The following SEZ6L variants were observed in gnomAD, a reference collection of about 807,000 sequenced individuals.
SEZ6L encodes the protein seizure 6-like protein.
Under a neutral mutation model 106.2 loss-of-function variants are expected in SEZ6L, and 37 were observed. The observed-to-expected ratio is 0.35, with a 90% confidence interval of 0.27 to 0.46. SEZ6L has a LOEUF of 0.46. SEZ6L is among the 20% of genes least tolerant of loss of function. The pLI, the probability that SEZ6L is intolerant of heterozygous loss-of-function variation, is 1.00. For missense variants in SEZ6L, 1,172 were observed against 1,332.8 expected (o/e 0.88, Z 1.88); for synonymous variants, 541 against 570.4 (o/e 0.95, Z 0.73).
intron 1 of SEZ6L, among the ~76,000 whole-genome samples, chr22:26,272,162 C>A (rs2080389546): frequency 6.6e-6 from 1 of 152,192 alleles, no homozygotes; most frequent in African/African-American, 2.4e-5. Flanking sequence ...ACAGGTTACC[C>A]TTGAAGAGAG....
chr22:26,172,361 T>C (rs1173866952), intron 1 of SEZ6L, among the ~76,000 whole-genome samples: 3 of 152,238 alleles, frequency 2.0e-5, no homozygotes, highest in Non-Finnish European at 4.4e-5. Flanking sequence ...GGGATTCATC[T>C]TGTGTTCATA....
chr22:26,313,746 C>A lies in SEZ6L; in HGVS notation c.1877-18C>A. 6.3e-7 allele frequency: 1 copy of A among 1,595,938 alleles called. No individual in the cohort carries two copies. The highest frequency in any genetic ancestry group is 8.6e-7 in the Non-Finnish European group (1 of 1,164,802). ...TTTACAAATAAAGTCCGTCTTCTTG[C>A]CTGTCTGTCTTTTACAGCCATGTGT... On this transcript the variant is annotated intron_variant, in intron 8 of 16. Transcript: ENST00000248933.
intron 1 of SEZ6L, among the ~76,000 whole-genome samples, chr22:26,191,836 T>C (rs937128947): frequency 4.6e-5 from 7 of 152,214 alleles, no homozygotes; most frequent in African/African-American, 1.4e-4. Context: ...AATGAGCAAG[T>C]TGTACCATCT....
chr22:26,241,785 A>T (rs1359593184), intron 1 of SEZ6L, among the ~76,000 whole-genome samples: 1 of 152,158 alleles, frequency 6.6e-6, no homozygotes, highest in African/African-American at 2.4e-5. Context: ...TCTTAGGAGG[A>T]GCCTCTTTGC....
intron 1 of SEZ6L, among the ~76,000 whole-genome samples, chr22:26,205,704 C>A (rs1032770886): frequency 6.6e-6 from 1 of 152,164 alleles, no homozygotes; most frequent in African/African-American, 2.4e-5. Context: ...TCCTCCAATC[C>A]AATCACACTG....
intron 13 of SEZ6L, among the ~76,000 whole-genome samples, chr22:26,369,587 A>C (rs738399): frequency 6.6e-6 from 1 of 151,014 alleles, no homozygotes; most frequent in African/African-American, 2.4e-5. Context: ...TGATTCGCCC[A>C]CCTCTGCCTC....
At position 26,299,036 on chromosome 22, in the gene SEZ6L, G is replaced by A. The variant is rs143488032; in HGVS notation, c.1215G>A (p.Thr405=). The A allele has an allele frequency of 1.1e-5, 17 of 1,604,216 alleles. No homozygotes were observed. Among genetic ancestry groups the A allele is most frequent in the Admixed American group, 6.8e-5 (4 of 58,636 alleles). ...FPRRPDSGDV[T]VMDLHSGGVA... Reference sequence around the variant, plus strand: ...GCCGGCCTGACTCTGGGGATGTCACGGTGATGGACCTGCACTCAGGTGGGG... The same window carrying A: ...GCCGGCCTGACTCTGGGGATGTCACAGTGATGGACCTGCACTCAGGTGGGG... The change falls in exon 5 of 17, where the codon ACG becomes ACA. Residue 405 remains threonine (T), a synonymous_variant. Transcript: ENST00000248933.
chr22:26,327,327 CA>C (rs2082340008), intron 9 of SEZ6L, among the ~76,000 whole-genome samples: 1 of 136,672 alleles, frequency 7.3e-6, no homozygotes, highest in African/African-American at 2.9e-5. Flanking sequence ...ACACCACACA[CA>C]CCCCCACACA....
intron 14 of SEZ6L, among the ~76,000 whole-genome samples, chr22:26,375,122 C>T (rs1202181336): frequency 6.6e-6 from 1 of 152,176 alleles, no homozygotes; most frequent in Non-Finnish European, 1.5e-5. Context: ...CACCGTTCAA[C>T]TCAACGACAT....
chr22:26,321,891 G>C (rs984321913), intron 9 of SEZ6L, among the ~76,000 whole-genome samples: 1 of 152,096 alleles, frequency 6.6e-6, no homozygotes, highest in Non-Finnish European at 1.5e-5. Flanking sequence ...GGCGAGAGGG[G>C]ATCTCTCTCC....
chr22:26,348,446 TTA>T (rs2083080829), intron 11 of SEZ6L, among the ~76,000 whole-genome samples: 1 of 145,496 alleles, frequency 6.9e-6, no homozygotes, highest in African/African-American at 2.6e-5. Context: ...TGAGCTATGA[TTA>T]TGCCTCTGCC....
intron 1 of SEZ6L, among the ~76,000 whole-genome samples, chr22:26,245,182 GA>G (rs2079291665): frequency 6.6e-6 from 1 of 152,132 alleles, no homozygotes. Flanking sequence ...GCAGGTCTGA[GA>G]AGGGATGAAG....
intron 1 of SEZ6L, among the ~76,000 whole-genome samples, chr22:26,223,991 T>G (rs1289171558): frequency 1.3e-5 from 2 of 152,190 alleles, no homozygotes; most frequent in African/African-American, 4.8e-5. Context: ...TAATTACTAT[T>G]AAATTGGCCT....
At chr22:26,188,724 G>T (rs916462415) in intron 1 of SEZ6L, among the ~76,000 whole-genome samples, 1 of 152,176 alleles carries the variant, frequency 6.6e-6, no homozygotes, top group Non-Finnish European at 1.5e-5. Flanking sequence ...AACGAAGGAT[G>T]TGCAGTTAGT....
Position 26,322,812 on chromosome 22 carries a change from C to T in SEZ6L, c.2015+8910C>T, listed in dbSNP as rs548962157. On this transcript the variant is annotated intron_variant, in intron 9 of 16. Transcript: ENST00000248933. ...CCCCAAATGCCTCCCTAACCCACCACGTATCCCTCCCAGCTCCATCAGAAA... is the reference window on the plus strand; with the variant it reads ...CCCCAAATGCCTCCCTAACCCACCATGTATCCCTCCCAGCTCCATCAGAAA... Among the ~76,000 whole-genome samples the T allele has an allele frequency of 3.9e-5, 6 of 152,280 alleles. No homozygotes were observed. The East Asian group carries it at 9.6e-4, about 24-fold the overall frequency.
At chr22:26,374,256 ATTG>A (rs1568957718) in intron 14 of SEZ6L, among the ~76,000 whole-genome samples, 1 of 142,984 alleles carries the variant, frequency 7.0e-6, no homozygotes, top group Non-Finnish European at 1.5e-5. Context: ...ACTGTAATAT[ATTG>A]TTTCTTTTTT....
At chr22:26,287,935 G>A (rs529390878) in intron 1 of SEZ6L, among the ~76,000 whole-genome samples, 3 of 152,340 alleles carry the variant, frequency 2.0e-5, no homozygotes, top group African/African-American at 4.8e-5. Flanking sequence ...TTTTCAGTGG[G>A]AAAGGGCTGA....
chr22:26,197,956 G>A (rs756440535), intron 1 of SEZ6L, among the ~76,000 whole-genome samples: 86 of 152,154 alleles, frequency 5.7e-4, no homozygotes, highest in African/African-American at 1.4e-3. Context: ...TGGCATGGTC[G>A]TCTCTCTCTG....
chr22:26,325,686 G>A lies in SEZ6L; in HGVS notation c.2015+11784G>A, dbSNP rs562205584. Among the ~76,000 whole-genome samples, 3 of 152,156 alleles carry A rather than the reference G, an allele frequency of 2.0e-5. No homozygotes were observed. In the South Asian group the frequency reaches 6.2e-4, roughly 32 times the overall value. ...TTTCACTGAGTGGCTGTGTGACCTT[G>A]GATAAAGTCACCCCACTTCTCTGGA... On this transcript the variant is annotated intron_variant, in intron 9 of 16. Coordinates refer to ENST00000248933, the MANE Select transcript of SEZ6L (RefSeq NM_021115.5).
Sources: allele counts gnomAD v4.1 joint callset (sites outside exome capture counted in the v4.1 genomes callset), GRCh38; gene constraint gnomAD v4.1.1; transcripts MANE v1.5; gene names NCBI Gene and HGNC (gene_info 2026-07-23, HGNC 2026-07-21).